The following ZNG1B variants were observed in gnomAD, a reference collection of about 807,000 sequenced individuals.
ZNG1B encodes the protein zinc-regulated GTPase metalloprotein activator 1B.
At chr2:113,478,310 C>T in the ZNG1B span, among the ~76,000 whole-genome samples, 2 of 152,054 alleles carry the variant, frequency 1.3e-5, no homozygotes, top group South Asian at 2.1e-4. Context: ...ATGGGGCTCT[C>T]TGTCACTCAG....
chr2:113,454,445 C>T, the ZNG1B span, among the ~76,000 whole-genome samples: 1 of 150,364 alleles, frequency 6.7e-6, no homozygotes, highest in Non-Finnish European at 1.5e-5. Flanking sequence ...GGATTGTAAG[C>T]TTTTTCAGTG....
At chr2:113,472,567 A>G in the ZNG1B span, among the ~76,000 whole-genome samples, 18 of 152,028 alleles carry the variant, frequency 1.2e-4, no homozygotes, top group Admixed American at 6.6e-4. Context: ...GCCCATGCCT[A>G]TGTCCTGAAT....
the ZNG1B span, among the ~76,000 whole-genome samples, chr2:113,479,631 C>G: frequency 6.6e-5 from 10 of 152,092 alleles, no homozygotes; most frequent in Non-Finnish European, 1.5e-4. Flanking sequence ...AAGGTTCCAG[C>G]CCTTCATTTG....
the ZNG1B span, among the ~76,000 whole-genome samples, chr2:113,491,655 CTAAAG>C: frequency 7.1e-6 from 1 of 140,956 alleles, no homozygotes; most frequent in African/African-American, 2.6e-5. Flanking sequence ...CTTAATTAAA[CTAAAG>C]AACTTTTGCA....
the ZNG1B span, among the ~76,000 whole-genome samples, chr2:113,472,130 T>A: frequency 6.7e-6 from 1 of 149,780 alleles, no homozygotes; most frequent in East Asian, 2.0e-4. Context: ...TTTCTCCACA[T>A]CCTCTCCAGC....
the ZNG1B span, among the ~76,000 whole-genome samples, chr2:113,484,209 G>C: frequency 7.1e-6 from 1 of 141,576 alleles, no homozygotes; most frequent in Admixed American, 7.1e-5. Flanking sequence ...ATATGGAAGA[G>C]GATAGTAATG....
At chr2:113,444,799 T>C in the ZNG1B span, among the ~76,000 whole-genome samples, 4 of 152,284 alleles carry the variant, frequency 2.6e-5, no homozygotes, top group South Asian at 8.3e-4. Context: ...TTCTCACTGG[T>C]AAATATGGGA....
At chr2:113,440,196 C>T in the ZNG1B span, among the ~76,000 whole-genome samples, 1 of 152,104 alleles carries the variant, frequency 6.6e-6, no homozygotes, top group Non-Finnish European at 1.5e-5. Flanking sequence ...CTTAATATTT[C>T]TAAGCTCTAT....
chr2:113,457,299 A>G, the ZNG1B span: 385 of 362,486 alleles, frequency 1.1e-3, 3 homozygotes, highest in African/African-American at 7.9e-3. Context: ...AAAGGCCAGA[A>G]CAATAAATAG....
the ZNG1B span, among the ~76,000 whole-genome samples, chr2:113,464,487 G>A: frequency 9.5e-6 from 1 of 105,780 alleles, no homozygotes; most frequent in Non-Finnish European, 2.1e-5. Context: ...AATAGATGAG[G>A]TGTACAGTGT....
the ZNG1B span, among the ~76,000 whole-genome samples, chr2:113,454,572 A>T: frequency 6.6e-6 from 1 of 150,600 alleles, no homozygotes; most frequent in Non-Finnish European, 1.5e-5. Flanking sequence ...TATTACTGGA[A>T]TTTAATTAAA....
At chr2:113,472,075 G>C in the ZNG1B span, among the ~76,000 whole-genome samples, 2 of 147,004 alleles carry the variant, frequency 1.4e-5, no homozygotes, top group Non-Finnish European at 3.0e-5. Flanking sequence ...TTCCACAATG[G>C]TTGAACTAGT....
chr2:113,440,131 G>A, the ZNG1B span, among the ~76,000 whole-genome samples: 2 of 151,634 alleles, frequency 1.3e-5, no homozygotes, highest in Non-Finnish European at 1.5e-5. Flanking sequence ...TGATCCGCCC[G>A]CCTCGGCCTC....
the ZNG1B span, chr2:113,469,851 TG>T: frequency 1.6e-4 from 24 of 150,382 alleles, no homozygotes; most frequent in African/African-American, 5.6e-4. Flanking sequence ...TGACCAATGA[TG>T]TTTTTTTTCC....
chr2:113,474,448 T>G, the ZNG1B span, among the ~76,000 whole-genome samples: 3 of 151,168 alleles, frequency 2.0e-5, no homozygotes, highest in Non-Finnish European at 4.4e-5. Flanking sequence ...GCTCCTGGAT[T>G]CATTAATTTT....
the ZNG1B span, among the ~76,000 whole-genome samples, chr2:113,457,931 T>G: frequency 6.9e-6 from 1 of 144,730 alleles, no homozygotes; most frequent in East Asian, 2.2e-4. Context: ...TTCCTTTGTT[T>G]CTTGTGGTAA....
At chr2:113,439,401 C>A in the ZNG1B span, among the ~76,000 whole-genome samples, 12 of 151,958 alleles carry the variant, frequency 7.9e-5, no homozygotes, top group African/African-American at 2.9e-4. Flanking sequence ...CTTAACATGT[C>A]TGAAACTTCG....
chr2:113,472,967 G>A, the ZNG1B span, among the ~76,000 whole-genome samples: 2 of 150,462 alleles, frequency 1.3e-5, no homozygotes, highest in East Asian at 2.0e-4. Flanking sequence ...TTGGCGATGC[G>A]GGCTCTTTTT....
chr2:113,455,509 A>G, the ZNG1B span: 1 of 990,274 alleles, frequency 1.0e-6, no homozygotes, highest in Non-Finnish European at 1.4e-6. Flanking sequence ...AAGATCTTTA[A>G]AAGTATGTTG....
Sources: gnomAD v4.1 joint callset for allele counts (sites outside exome capture counted in the v4.1 genomes callset) on GRCh38, gnomAD v4.1.1 for gene constraint, MANE v1.5 for transcripts, NCBI Gene and HGNC (gene_info 2026-07-23, HGNC 2026-07-21) for gene names.